Variants in PAICS observed in about 807,000 individuals in gnomAD.
PAICS encodes bifunctional phosphoribosylaminoimidazole carboxylase/phosphoribosylaminoimidazole succinocarboxamide synthetase.
PAICS carries 33 observed loss-of-function variants against 53.7 expected under a neutral mutation model. That is an observed-to-expected ratio of 0.61 (90% CI 0.47 to 0.82). The LOEUF (loss-of-function observed/expected upper bound fraction) is 0.82, where lower values mean the gene tolerates loss of function less well. Among genes scored for constraint, PAICS ranks in the 40% least tolerant of loss-of-function variants. The pLI is 0.00. For synonymous variants in PAICS, 141 were observed against 167.2 expected, an observed-to-expected ratio of 0.84 and a Z score of 1.21; for missense variants, 394 against 494.1, an observed-to-expected ratio of 0.80 and a Z score of 1.92.
intron 8 of PAICS, among the ~76,000 whole-genome samples, chr4:56,458,291 T>C (rs972784076): frequency 6.6e-6 from 1 of 152,108 alleles, no homozygotes; most frequent in Non-Finnish European, 1.5e-5. Flanking sequence ...ACTTTTTTTT[T>C]TTTTTCTGCA....
chr4:56,424,269 G>T, the PAICS span, among the ~76,000 whole-genome samples: 1 of 152,210 alleles, frequency 6.6e-6, no homozygotes, highest in African/African-American at 2.4e-5. Context: ...TGGATTCTGA[G>T]TATCTAGAGT....
At chr4:56,416,870 T>C in the PAICS span, among the ~76,000 whole-genome samples, 1 of 152,148 alleles carries the variant, frequency 6.6e-6, no homozygotes, top group Non-Finnish European at 1.5e-5. Context: ...TTTCTTTTCT[T>C]TTCTAGTCTC....
chr4:56,435,594 C>G (rs541461683), upstream of PAICS: 7 of 1,553,818 alleles, frequency 4.5e-6, no homozygotes, highest in East Asian at 1.6e-4. Context: ...GCTCTTCCTT[C>G]CCGAGGGTGG....
At position 56,441,779 on chromosome 4, in the gene PAICS, G is replaced by A. The variant is rs1718356138; in HGVS notation, c.133G>A (p.Ala45Thr). The A allele has an allele frequency of 6.2e-7, 1 of 1,603,714 alleles. No homozygotes were observed. The highest frequency in any genetic ancestry group is 8.5e-7 in the Non-Finnish European group (1 of 1,174,612). ...SKDQITAGNA[A>T]RKNHLEGKAA... ...GGACCAGATTACAGCAGGAAATGCA[G>A]CTAGAAAAAACCACCTGGAAGGAAA... Residue 45 changes from alanine to threonine, a missense_variant, in exon 2 of 9, where the codon GCT becomes ACT. Physicochemically the swap from Ala to Thr is moderately conservative, Grantham distance 58. Around this residue, in one of 3 missense-constraint regions of PAICS, gnomAD observed 168 missense variants for 199.3 expected, o/e 0.84. Transcript: ENST00000512576.
rs982790634 is a variant in PAICS at position 56,460,173 on chromosome 4, C to T, written c.*635C>T. On this transcript the variant is annotated 3_prime_UTR_variant, in exon 9 of 9. Transcript: ENST00000512576. ...AAGTGCTAGGGTTACAGACATGAGC[C>T]ACTGTGCCTGTCTAGACTTGTACTT... 2 of 152,360 alleles carry T rather than the reference C, an allele frequency of 1.3e-5. No individual in the cohort carries two copies. Among genetic ancestry groups the T allele is most frequent in the African/African-American group, 4.8e-5 (2 of 41,434 alleles). 9.4% of individuals were successfully genotyped at this position (152,360 alleles called of 1,614,324 possible). A position where few individuals can be genotyped will look rare whatever the true frequency, so the allele number is the denominator to read the frequency against.
Position 56,446,683 on chromosome 4 carries a change from A to G in PAICS, c.215-12A>G, listed in dbSNP as rs1718636119. 2 of 1,536,464 alleles carry G rather than the reference A, an allele frequency of 1.3e-6. No homozygotes were observed. Among genetic ancestry groups the G allele is most frequent in the East Asian group, 4.6e-5 (2 of 43,744 alleles). On this transcript the variant is annotated splice_polypyrimidine_tract_variant and intron_variant, in intron 2 of 8. Transcript: ENST00000512576. ...TTCAATACCTTTTTTAACTTTGGTT[A>G]TCAATATGTAGGTATTAAAACTGCC...
chr4:56,449,663 G>A (rs1464543279), intron 5 of PAICS, among the ~76,000 whole-genome samples: 1 of 151,958 alleles, frequency 6.6e-6, no homozygotes, highest in East Asian at 1.9e-4. Flanking sequence ...ACACACCATG[G>A]AATACTATGC....
upstream of PAICS, chr4:56,435,325 C>A (rs1473689664): frequency 6.2e-7 from 1 of 1,612,774 alleles, no homozygotes. Flanking sequence ...ACGCACGCCC[C>A]CGCCACCCCC....
chr4:56,450,423 A>T (rs751000877), intron 5 of PAICS, among the ~76,000 whole-genome samples, 196 bp from the exon 6 acceptor site: 2 of 152,242 alleles, frequency 1.3e-5, no homozygotes, highest in Non-Finnish European at 2.9e-5. Context: ...TACAGAAAAC[A>T]CTTAACCTTA....
At chr4:56,426,488 CTTTCTG>C in the PAICS span, among the ~76,000 whole-genome samples, 2 of 152,120 alleles carry the variant, frequency 1.3e-5, no homozygotes, top group Non-Finnish European at 2.9e-5. Flanking sequence ...CACTAACCAA[CTTTCTG>C]TTTCTAAGAA....
intron 2 of PAICS, 118 bp from the exon 3 acceptor site, chr4:56,446,577 A>T: frequency 1.5e-6 from 1 of 655,246 alleles, no homozygotes; most frequent in Non-Finnish European, 2.7e-6. Flanking sequence ...GAAAAATTAC[A>T]CTTATTTTTG....
upstream of PAICS, among the ~76,000 whole-genome samples, chr4:56,432,858 A>C (rs1430976201): frequency 6.6e-6 from 1 of 151,576 alleles, no homozygotes; most frequent in Non-Finnish European, 1.5e-5. Flanking sequence ...AAAAAAACAC[A>C]ATCAAACCTT....
At chr4:56,438,086 A>G (rs1718114327) in intron 1 of PAICS, among the ~76,000 whole-genome samples, 2 of 151,950 alleles carry the variant, frequency 1.3e-5, no homozygotes, top group South Asian at 4.1e-4. Context: ...TGGCATCTCT[A>G]GAGATGTTAA....
At chr4:56,434,546 T>G (rs1220461217), upstream of PAICS, among the ~76,000 whole-genome samples, 1 of 152,236 alleles carries the variant, frequency 6.6e-6, no homozygotes, top group Non-Finnish European at 1.5e-5. Context: ...TTTTTTTAAC[T>G]CGAAAGGATC....
rs771626621 is a variant in PAICS, at chr4:56,436,288, C to T, written c.-25C>T. The stretch of plus-strand genomic sequence containing the variant: ...GTTCTGCCTCGCTTCCCGGCGCGGT[C>T]GCAGCCCTCAGCCCACTTAGGATAA... On this transcript the variant is annotated 5_prime_UTR_variant, in exon 1 of 9. Coordinates refer to ENST00000512576, the MANE Select transcript of PAICS (RefSeq NM_001079524.2). 4 of 1,597,430 alleles carry T rather than the reference C, an allele frequency of 2.5e-6. No individual in the cohort carries two copies. The highest frequency in any genetic ancestry group is 1.7e-6 in the Non-Finnish European group (2 of 1,172,652).
chr4:56,410,874 G>A, the PAICS span: 4 of 644,362 alleles, frequency 6.2e-6, no homozygotes, highest in African/African-American at 8.1e-5. Flanking sequence ...CTCAGCCCAA[G>A]TACAGCCCCA....
intron 1 of PAICS, among the ~76,000 whole-genome samples, chr4:56,437,176 T>C (rs1240433977): frequency 1.3e-5 from 2 of 150,200 alleles, no homozygotes; most frequent in East Asian, 2.0e-4. Context: ...TGTATGTGTG[T>C]GCGCGCGCGT....
At chr4:56,441,638 G>T (rs189134562) in intron 1 of PAICS, 25 bp from the exon 2 acceptor site, 7 of 1,242,468 alleles carry the variant, frequency 5.6e-6, no homozygotes, top group African/African-American at 4.6e-5. Context: ...CTGAATTTTG[G>T]TCTATTTCCA....
intron 2 of PAICS, among the ~76,000 whole-genome samples, chr4:56,445,570 CTT>C (rs889445969): frequency 6.6e-6 from 1 of 151,884 alleles, no homozygotes; most frequent in Non-Finnish European, 1.5e-5. Context: ...CTGTGTGACA[CTT>C]TGTCTCAAAA....
Sources: gnomAD v4.1 joint callset for allele counts (sites outside exome capture counted in the v4.1 genomes callset) on GRCh38, gnomAD v4.1.1 for gene constraint, gnomAD v4.1.1 regional missense constraint, MANE v1.5 for transcripts, NCBI Gene and HGNC (gene_info 2026-07-23, HGNC 2026-07-21) for gene names.